KLHDC4: variants seen among roughly 807,000 people sequenced by gnomAD.
KLHDC4 encodes kelch domain containing 4, also known as kelch domain-containing protein 4.
A neutral mutation model predicts 62.4 loss-of-function variants in KLHDC4; 90 were observed. The ratio of observed to expected loss-of-function variants is 1.44; its 90% CI spans 1.22 to 1.72. The LOEUF is 1.72. Ranked by LOEUF, KLHDC4 falls within the 40% of genes most tolerant of loss-of-function variation. The pLI is 0.00. For missense variants in KLHDC4, 1,025 were observed against 699.7 expected (o/e 1.47, Z -5.25); for synonymous variants, 386 against 284.4 (o/e 1.36, Z -3.59).
chr16:87,720,641 G>A (rs1387774437), intron 7 of KLHDC4, among the ~76,000 whole-genome samples: 2 of 152,216 alleles, frequency 1.3e-5, no homozygotes, highest in Non-Finnish European at 2.9e-5. Flanking sequence ...GAGGACCCCC[G>A]CCCAACCACG....
rs373325071 is a variant in KLHDC4, at chr16:87,724,590, A to G, written c.759+2175T>C. 4.6e-5 allele frequency among the ~76,000 whole-genome samples: 7 copies of G among 152,210 alleles called. No homozygotes were observed. In the East Asian group the frequency reaches 5.8e-4, roughly 13 times the overall value. Reference sequence around the variant, plus strand: ...AAGACAAGCTCATGAAAAGCACTCAACACCAGCAGTCATGAGAGAAATGAG... The same window carrying G: ...AAGACAAGCTCATGAAAAGCACTCAGCACCAGCAGTCATGAGAGAAATGAG... On this transcript the variant is annotated intron_variant, in intron 7 of 11. Transcript: ENST00000270583.
chr16:87,752,780 G>T (rs1256968678), intron 4 of KLHDC4, among the ~76,000 whole-genome samples: 2 of 151,948 alleles, frequency 1.3e-5, no homozygotes, highest in Non-Finnish European at 2.9e-5. Context: ...TGAACACCAG[G>T]GAAAAAAATA....
At chr16:87,735,505 C>CA (rs1220080025) in intron 5 of KLHDC4, among the ~76,000 whole-genome samples, 7 of 152,316 alleles carry the variant, frequency 4.6e-5, no homozygotes, top group Admixed American at 4.6e-4. Flanking sequence ...TCACTGCCTG[C>CA]ATGGGAACCC....
chr16:87,720,327 G>C (rs938046542), intron 7 of KLHDC4, among the ~76,000 whole-genome samples: 1 of 152,144 alleles, frequency 6.6e-6, no homozygotes, highest in African/African-American at 2.4e-5. Context: ...TAGGGTGTCG[G>C]TTCCAAGCGG....
upstream of KLHDC4, chr16:87,702,595 A>G (rs2034197942): frequency 3.9e-6 from 1 of 254,478 alleles, no homozygotes; most frequent in Non-Finnish European, 8.0e-6. Context: ...CATCTGCACC[A>G]TTTGCCATTT....
chr16:87,720,616 A>G (rs1189160120), intron 7 of KLHDC4, among the ~76,000 whole-genome samples: 2 of 152,212 alleles, frequency 1.3e-5, no homozygotes, highest in Non-Finnish European at 2.9e-5. Context: ...CTTGGGAGAG[A>G]GGGACCCATG....
downstream of KLHDC4, among the ~76,000 whole-genome samples, chr16:87,705,713 G>T (rs1300875259): frequency 6.6e-6 from 1 of 152,196 alleles, no homozygotes; most frequent in East Asian, 1.9e-4. Flanking sequence ...TCCAAGAGCA[G>T]GAGGGAAGAA....
At chr16:87,765,113 G>A (rs890159952) in intron 1 of KLHDC4, 9 of 455,906 alleles carry the variant, frequency 2.0e-5, no homozygotes, top group Non-Finnish European at 3.5e-5. Flanking sequence ...GCGCACGGCA[G>A]GCCATAAAAC....
intron 5 of KLHDC4, among the ~76,000 whole-genome samples, chr16:87,747,330 T>G (rs1039258028): frequency 2.6e-5 from 4 of 152,110 alleles, no homozygotes; most frequent in African/African-American, 9.7e-5. Context: ...AAAAAATCAA[T>G]CGATTTGCCA....
At chr16:87,708,556 G>C (rs1380768993) in intron 10 of KLHDC4, 90 bp from the exon 11 acceptor site, 1 of 839,894 alleles carries the variant, frequency 1.2e-6, no homozygotes, top group East Asian at 2.8e-5. Flanking sequence ...GTCCTGGGGG[G>C]ATTCCATTTT....
chr16:87,740,080 G>A (rs1458558912), intron 5 of KLHDC4, among the ~76,000 whole-genome samples: 1 of 152,186 alleles, frequency 6.6e-6, no homozygotes, highest in Non-Finnish European at 1.5e-5. Context: ...AGAAACCAAT[G>A]GAGGGAGACG....
At chr16:87,702,946 A>T (rs1232484011), downstream of KLHDC4, 1 of 152,426 alleles carries the variant, frequency 6.6e-6, no homozygotes, top group African/African-American at 2.4e-5. Context: ...AAATGAAAAA[A>T]AGTTTTCCTA....
chr16:87,713,877 T>C (rs2036392199), intron 8 of KLHDC4, among the ~76,000 whole-genome samples: 1 of 152,114 alleles, frequency 6.6e-6, no homozygotes, highest in Admixed American at 6.5e-5. Context: ...CCAGTTTAGC[T>C]AAAAGCTTTT....
chr16:87,726,991 A>G, intron 6 of KLHDC4, 67 bp from the exon 7 acceptor site: 1 of 1,531,774 alleles, frequency 6.5e-7, no homozygotes, highest in South Asian at 1.1e-5. Context: ...TAAAAACTGA[A>G]CTGATTTAAA....
exon 1 of KLHDC4, chr16:87,701,278 A>G (rs1346139403): frequency 4.3e-6 from 1 of 234,210 alleles, no homozygotes; most frequent in Non-Finnish European, 8.6e-6. Context: ...CAACGCCACC[A>G]AAGCAGAGGA....
At chr16:87,752,633 C>T (rs2044195508) in intron 4 of KLHDC4, among the ~76,000 whole-genome samples, 1 of 152,060 alleles carries the variant, frequency 6.6e-6, no homozygotes, top group Non-Finnish European at 1.5e-5. Context: ...CCATGCCCAG[C>T]CCACAGCACT....
chr16:87,730,522 G>A (rs765339991), intron 6 of KLHDC4, 30 bp downstream of exon 6: 15 of 1,563,518 alleles, frequency 9.6e-6, no homozygotes, highest in Admixed American at 1.8e-5. Context: ...TGCTTCAGGA[G>A]AGAAAGATTT....
At position 87,709,447 on chromosome 16, in the gene KLHDC4, GCCT is replaced by G; in HGVS notation, c.1262_1264del (p.Glu421del). 3 of 1,612,258 alleles carry G rather than the reference GCCT, an allele frequency of 1.9e-6. No homozygotes were observed. Among genetic ancestry groups the G allele is most frequent in the Middle Eastern group, 1.6e-4 (1 of 6,062 alleles). On this transcript the variant is annotated inframe_deletion, in exon 10 of 12. Coordinates refer to ENST00000270583, the MANE Select transcript of KLHDC4 (RefSeq NM_017566.4). ...ACACGGCCCAGGTGCGGGGCTGCCG[GCCT>G]CCTCAAGGCTGTCTTCGTCCTCAGA...
At chr16:87,749,553 CAAA>C (rs74585020) in intron 4 of KLHDC4, among the ~76,000 whole-genome samples, 6 of 76,110 alleles carry the variant, frequency 7.9e-5, no homozygotes, top group Non-Finnish European at 1.3e-4. Flanking sequence ...GACTCCATGT[CAAA>C]AAAAAAAAAA....
Sources: gnomAD v4.1 joint callset for allele counts (sites outside exome capture counted in the v4.1 genomes callset) on GRCh38, gnomAD v4.1.1 for gene constraint, MANE v1.5 for transcripts, NCBI Gene and HGNC (gene_info 2026-07-23, HGNC 2026-07-21) for gene names.